Variants in WDFY4 observed in about 807,000 individuals in gnomAD.
WDFY4 encodes the protein WD repeat- and FYVE domain-containing protein 4.
A neutral mutation model predicts 351.9 loss-of-function variants in WDFY4; 169 were observed. The ratio of observed to expected loss-of-function variants is 0.48; its 90% CI spans 0.42 to 0.55. The LOEUF is 0.55. WDFY4 is among the 20% of genes least tolerant of loss of function. The pLI, the probability that WDFY4 is intolerant of heterozygous loss-of-function variation, is 0.00. For missense variants in WDFY4, 3,803 were observed against 3,935.6 expected (o/e 0.97, Z 0.90); for synonymous variants, 1,622 against 1,574.6 (o/e 1.03, Z -0.71).
At chr10:48,829,829 G>A (rs2928400) in intron 37 of WDFY4, among the ~76,000 whole-genome samples, 8,427 of 152,236 alleles carry the variant, frequency 0.055, 479 homozygotes, top group African/African-American at 0.15. Context: ...TCCAGCCTAG[G>A]CAACAAGAGT....
intron 47 of WDFY4, among the ~76,000 whole-genome samples, chr10:48,907,617 T>C (rs1208428417): frequency 6.6e-6 from 1 of 152,096 alleles, no homozygotes; most frequent in African/African-American, 2.4e-5. Flanking sequence ...GAATATGACC[T>C]TCCATGTTAA....
intron 47 of WDFY4, among the ~76,000 whole-genome samples, chr10:48,916,717 A>C (rs985613947): frequency 6.6e-6 from 1 of 152,222 alleles, no homozygotes; most frequent in African/African-American, 2.4e-5. Context: ...AAAGTTGTAT[A>C]GCAACTCTGA....
intron 37 of WDFY4, 81 bp from the exon 38 acceptor site, chr10:48,830,619 A>G: frequency 6.9e-7 from 1 of 1,456,884 alleles, no homozygotes; most frequent in Non-Finnish European, 9.3e-7. Flanking sequence ...GGGTAAAACC[A>G]CTCATGATGC....
At position 48,969,084 on chromosome 10, in the gene WDFY4, G is replaced by A. The variant is rs1468796938; in HGVS notation, c.8605G>A (p.Gly2869Ser). 1 of 1,551,142 alleles carries A rather than the reference G, an allele frequency of 6.4e-7. No individual in the cohort carries two copies. Among genetic ancestry groups the A allele is most frequent in the African/African-American group, 1.4e-5 (1 of 72,878 alleles). The change falls in exon 56 of 62, where the codon GGC becomes AGC. Residue 2869 changes from glycine to serine, a missense_variant. Transcript: ENST00000325239. ...TVKDMYLFSL[G>S]SESPKGAIGH... ...TGTAGATATGTACCTCTTTTCTCTAGGCTCAGAGTCCCCCAAAGGGGCCAT... is the reference window on the plus strand; with the variant it reads ...TGTAGATATGTACCTCTTTTCTCTAAGCTCAGAGTCCCCCAAAGGGGCCAT...
chr10:48,696,055 G>T (rs188521697), intron 1 of WDFY4, among the ~76,000 whole-genome samples: 29 of 152,292 alleles, frequency 1.9e-4, no homozygotes, highest in Admixed American at 1.8e-3. Flanking sequence ...TTAGTCTTCA[G>T]GGGATCCCCT....
At chr10:48,769,319 A>G (rs1415918952) in intron 13 of WDFY4, among the ~76,000 whole-genome samples, 1 of 152,208 alleles carries the variant, frequency 6.6e-6, no homozygotes, top group Non-Finnish European at 1.5e-5. Context: ...CAAAATGGAA[A>G]GTTCATGCTC....
At chr10:48,814,343 T>A (rs2067551329) in intron 31 of WDFY4, among the ~76,000 whole-genome samples, 1 of 152,188 alleles carries the variant, frequency 6.6e-6, no homozygotes, top group African/African-American at 2.4e-5. Flanking sequence ...CACTGGAAGA[T>A]TTATTGCCTT....
intron 47 of WDFY4, among the ~76,000 whole-genome samples, chr10:48,915,717 G>C (rs928693256): frequency 2.6e-5 from 4 of 152,224 alleles, no homozygotes; most frequent in Non-Finnish European, 5.9e-5. Flanking sequence ...TGAAGGGTCA[G>C]AGGGTCCTAC....
chr10:48,717,999 G>T lies in WDFY4; in HGVS notation c.235-2012G>T, dbSNP rs1336377305. ...CCTTCTTCAAAGTGTTCTTCCAACCGATACTCTGTCAGTAGCACATGGGGG... is the reference window on the plus strand; with the variant it reads ...CCTTCTTCAAAGTGTTCTTCCAACCTATACTCTGTCAGTAGCACATGGGGG... On this transcript the variant is annotated intron_variant, in intron 2 of 61. Coordinates refer to ENST00000325239, the MANE Select transcript of WDFY4 (RefSeq NM_001394531.1). Among the ~76,000 whole-genome samples, 3 of 151,994 alleles carry T rather than the reference G, an allele frequency of 2.0e-5. No individual in the cohort carries two copies. In the South Asian group the frequency reaches 6.2e-4, roughly 32 times the overall value.
chr10:48,797,182 G>A (rs1051560702), intron 24 of WDFY4, among the ~76,000 whole-genome samples: 2 of 152,270 alleles, frequency 1.3e-5, no homozygotes, highest in African/African-American at 4.8e-5. Flanking sequence ...TGCAAATACT[G>A]TACATCAGAG....
chr10:48,798,674 C>T (rs192371745), intron 24 of WDFY4, among the ~76,000 whole-genome samples: 15 of 152,312 alleles, frequency 9.8e-5, no homozygotes, highest in East Asian at 1.9e-4. Flanking sequence ...CAGAAGGGAA[C>T]GCCAGGCTGG....
intron 40 of WDFY4, among the ~76,000 whole-genome samples, chr10:48,867,635 G>A (rs1385202346): frequency 1.3e-5 from 2 of 152,202 alleles, no homozygotes; most frequent in Non-Finnish European, 2.9e-5. Flanking sequence ...TATGCCAGTG[G>A]TCTGAGCCTC....
intron 34 of WDFY4, among the ~76,000 whole-genome samples, chr10:48,822,155 C>T (rs1322415302): frequency 6.6e-6 from 1 of 152,242 alleles, no homozygotes; most frequent in Non-Finnish European, 1.5e-5. Flanking sequence ...ACCTTGCTTG[C>T]TTTCTCACCA....
chr10:48,978,517 A>C, intron 60 of WDFY4, 124 bp downstream of exon 60: 5 of 902,572 alleles, frequency 5.5e-6, no homozygotes, highest in Non-Finnish European at 8.1e-6. Flanking sequence ...GAGGCCTAGG[A>C]AGGCACAGAG....
intron 39 of WDFY4, among the ~76,000 whole-genome samples, chr10:48,844,879 A>G (rs2068723608): frequency 6.6e-6 from 1 of 152,210 alleles, no homozygotes; most frequent in African/African-American, 2.4e-5. Context: ...AATGCATGAG[A>G]TAATTCTAGG....
At chr10:48,739,579 G>A (rs1255916506) in intron 11 of WDFY4, among the ~76,000 whole-genome samples, 1 of 152,148 alleles carries the variant, frequency 6.6e-6, no homozygotes, top group African/African-American at 2.4e-5. Context: ...TTAAGCCTTT[G>A]TAATTGGATT....
rs952512937 is a variant in WDFY4 at position 48,822,255 on chromosome 10, A to G, written c.5825-125A>G. The G allele has an allele frequency of 4.6e-6, 5 of 1,097,258 alleles. No individual in the cohort carries two copies. In the Admixed American group the frequency reaches 1.3e-4, roughly 29 times the overall value. 68.0% of individuals were successfully genotyped at this position (1,097,258 alleles called of 1,614,324 possible). A position where few individuals can be genotyped will look rare whatever the true frequency, so the allele number is the denominator to read the frequency against. ...GGGCACCTCGTCAGTACAAGACTCCATCTTTGGAACCATGGGGTACACAGA... is the reference window on the plus strand; with the variant it reads ...GGGCACCTCGTCAGTACAAGACTCCGTCTTTGGAACCATGGGGTACACAGA... On this transcript the variant is annotated intron_variant, in intron 34 of 61. Transcript: ENST00000325239.
chr10:48,970,293 T>A lies in WDFY4; in HGVS notation c.8928+4T>A, dbSNP rs1842282114. On this transcript the variant is annotated splice_donor_region_variant and intron_variant, in intron 57 of 61. Coordinates refer to ENST00000325239, the MANE Select transcript of WDFY4 (RefSeq NM_001394531.1). ...GAGGGGCTTGCGCCTCCGGCAGGTATGGTCCAGCTCGTGCAGGTGCGGTCC... is the reference window on the plus strand; with the variant it reads ...GAGGGGCTTGCGCCTCCGGCAGGTAAGGTCCAGCTCGTGCAGGTGCGGTCC... 2 of 1,549,896 alleles carry A rather than the reference T, an allele frequency of 1.3e-6. No individual in the cohort carries two copies. The highest frequency in any genetic ancestry group is 2.0e-5 in the Admixed American group (1 of 50,986).
At chr10:48,759,969 G>A (rs910247258) in intron 12 of WDFY4, among the ~76,000 whole-genome samples, 2 of 152,152 alleles carry the variant, frequency 1.3e-5, no homozygotes, top group African/African-American at 4.8e-5. Flanking sequence ...AAGGGACCCA[G>A]AAGCCTGTGT....
Sources: allele counts gnomAD v4.1 joint callset (sites outside exome capture counted in the v4.1 genomes callset), GRCh38; gene constraint gnomAD v4.1.1; transcripts MANE v1.5; gene names NCBI Gene and HGNC (gene_info 2026-07-23, HGNC 2026-07-21).